LRBA: variants seen among roughly 807,000 people sequenced by gnomAD.
LRBA encodes lipopolysaccharide-responsive and beige-like anchor protein.
LRBA carries 176 observed loss-of-function variants against 330.0 expected under a neutral mutation model. The observed-to-expected ratio is 0.53, with a 90% confidence interval of 0.47 to 0.60. The LOEUF (loss-of-function observed/expected upper bound fraction) is 0.60. LRBA is among the 20% of genes least tolerant of loss of function. LRBA has a pLI of 0.00. For synonymous variants in LRBA, 1,230 were observed against 1,193.0 expected, an observed-to-expected ratio of 1.03 and a Z score of -0.64; for missense variants, 3,259 against 3,444.8, an observed-to-expected ratio of 0.95 and a Z score of 1.35.
intron 36 of LRBA, among the ~76,000 whole-genome samples, chr4:150,728,680 C>T (rs1014995325): frequency 1.2e-4 from 18 of 145,530 alleles, no homozygotes; most frequent in African/African-American, 1.8e-4. Context: ...AAAAAAAAAA[C>T]GTGATACAAA....
intron 40 of LRBA, among the ~76,000 whole-genome samples, chr4:150,584,924 T>C (rs1361505848): frequency 6.6e-6 from 1 of 152,228 alleles, no homozygotes; most frequent in South Asian, 2.1e-4. Flanking sequence ...GTTCTGTAGA[T>C]GTTAAGATTA....
At chr4:150,602,551 C>G (rs1030729228) in intron 37 of LRBA, among the ~76,000 whole-genome samples, 2 of 152,092 alleles carry the variant, frequency 1.3e-5, no homozygotes, top group Admixed American at 1.3e-4. Context: ...ACAACACATA[C>G]TCTCAGTATA....
At position 150,648,158 on chromosome 4, in the gene LRBA, C is replaced by CAAAAA; in HGVS notation, c.5921+35388_5921+35392dup. Among the ~76,000 whole-genome samples the CAAAAA allele has an allele frequency of 7.4e-3, 134 of 18,110 alleles. 26 individuals carry two copies. Among genetic ancestry groups the CAAAAA allele is most frequent in the East Asian group, 0.043 (17 of 394 alleles). The allele number at this position is 18,110 out of a possible 152,430, so 11.9% of individuals were successfully genotyped here. A position where few individuals can be genotyped will look rare whatever the true frequency, so the allele number is the denominator to read the frequency against. ...TCAGAAGAGAAAGGAACACAAGTAG[C>CAAAAA]AAAAAAAAAAAAAAAAAAACTAGAA... On this transcript the variant is annotated intron_variant, in intron 37 of 56. Transcript: ENST00000651943.
chr4:150,870,726 A>T lies in LRBA; in HGVS notation c.2368-120T>A. On this transcript the variant is annotated intron_variant, in intron 19 of 56. Coordinates refer to ENST00000651943, the MANE Select transcript of LRBA (RefSeq NM_001364905.1). ...TACAACACTAATCAAAATATAGTAT[A>T]TTTTTAGTCCAATATTGTCATGCTA... The T allele has an allele frequency of 5.4e-6, 3 of 559,860 alleles. No individual in the cohort carries two copies. In the South Asian group the frequency reaches 8.3e-5, roughly 15 times the overall value. 34.7% of individuals were successfully genotyped at this position (559,860 alleles called of 1,614,324 possible).
At chr4:150,320,228 C>T (rs992495858) in intron 50 of LRBA, among the ~76,000 whole-genome samples, 10 of 152,118 alleles carry the variant, frequency 6.6e-5, no homozygotes, top group East Asian at 1.9e-4. Context: ...CAGAATAAGG[C>T]GAGCTCCCTG....
At chr4:150,502,766 C>T (rs1315190683) in intron 40 of LRBA, among the ~76,000 whole-genome samples, 5 of 152,208 alleles carry the variant, frequency 3.3e-5, no homozygotes, top group African/African-American at 7.2e-5. Context: ...TTGCCTTACC[C>T]GAGAAGCGCA....
chr4:150,486,552 C>T (rs1404611187), intron 42 of LRBA, among the ~76,000 whole-genome samples: 1 of 151,876 alleles, frequency 6.6e-6, no homozygotes. Context: ...ATATTTCAGA[C>T]TATTAGCAAC....
At chr4:150,793,779 G>A (rs992994892) in intron 34 of LRBA, among the ~76,000 whole-genome samples, 2 of 152,144 alleles carry the variant, frequency 1.3e-5, no homozygotes, top group Non-Finnish European at 2.9e-5. Context: ...CTTTCCAAAA[G>A]AGATTGTAAT....
At chr4:150,381,342 T>C (rs1471235858) in intron 47 of LRBA, among the ~76,000 whole-genome samples, 3 of 152,180 alleles carry the variant, frequency 2.0e-5, no homozygotes, top group Non-Finnish European at 2.9e-5. Flanking sequence ...CGTACCTATA[T>C]GGCACTCACT....
chr4:150,947,546 C>T (rs1736373476), intron 2 of LRBA, among the ~76,000 whole-genome samples: 1 of 151,934 alleles, frequency 6.6e-6, no homozygotes, highest in African/African-American at 2.4e-5. Flanking sequence ...TGATAAGCAA[C>T]ATTTACATAA....
chr4:150,746,923 G>C lies in LRBA; in HGVS notation c.5646-11557C>G, dbSNP rs74696935. On this transcript the variant is annotated intron_variant, in intron 35 of 56. Transcript: ENST00000651943. ...CCTCCAATCCAACTTCTTTCCATGAGTCTTACTATTCTTGCCCATTCTTCA... is the reference window on the plus strand; with the variant it reads ...CCTCCAATCCAACTTCTTTCCATGACTCTTACTATTCTTGCCCATTCTTCA... Among the ~76,000 whole-genome samples, 862 of 152,166 alleles carry C rather than the reference G, an allele frequency of 5.7e-3. 7 individuals are homozygous for C. Among genetic ancestry groups the C allele is most frequent in the African/African-American group, 0.02 (839 of 41,510 alleles).
intron 48 of LRBA, among the ~76,000 whole-genome samples, chr4:150,348,233 G>GA: frequency 6.6e-6 from 1 of 152,268 alleles, no homozygotes; most frequent in East Asian, 1.9e-4. Flanking sequence ...ACTCATAGAG[G>GA]AAATAACTAG....
intron 46 of LRBA, among the ~76,000 whole-genome samples, chr4:150,429,346 G>A (rs1561164935): frequency 6.6e-6 from 1 of 152,046 alleles, no homozygotes; most frequent in Non-Finnish European, 1.5e-5. Flanking sequence ...AGTACTTGAA[G>A]GACACCAAGC....
At chr4:150,432,648 T>C (rs1489567376) in intron 46 of LRBA, among the ~76,000 whole-genome samples, 1 of 151,780 alleles carries the variant, frequency 6.6e-6, no homozygotes, top group Admixed American at 6.6e-5. Context: ...AGTTTCACCG[T>C]GTTAGTCAGG....
chr4:150,824,102 T>C (rs1745878135), intron 30 of LRBA, among the ~76,000 whole-genome samples: 2 of 152,168 alleles, frequency 1.3e-5, no homozygotes, highest in Non-Finnish European at 2.9e-5. Context: ...TTTTTAGTTT[T>C]TGCATCAATG....
chr4:150,350,245 C>T (rs1736954146), intron 47 of LRBA, 86 bp from the exon 48 acceptor site: 2 of 1,044,806 alleles, frequency 1.9e-6, no homozygotes, highest in African/African-American at 1.7e-5. Context: ...TAAAGTTTAA[C>T]ACTAACTTTA....
intron 2 of LRBA, among the ~76,000 whole-genome samples, chr4:150,992,594 C>G (rs1451377611): frequency 6.6e-6 from 1 of 152,084 alleles, no homozygotes; most frequent in East Asian, 1.9e-4. Flanking sequence ...AAGGGTGTTA[C>G]AATAATCCTA....
intron 40 of LRBA, among the ~76,000 whole-genome samples, chr4:150,552,277 T>A (rs1766706466): frequency 6.6e-6 from 1 of 152,140 alleles, no homozygotes; most frequent in Non-Finnish European, 1.5e-5. Flanking sequence ...GTCAGAAAGT[T>A]AAGAATATTA....
At chr4:150,701,093 T>C (rs1785076944) in intron 36 of LRBA, among the ~76,000 whole-genome samples, 1 of 152,194 alleles carries the variant, frequency 6.6e-6, no homozygotes, top group South Asian at 2.1e-4. Context: ...TTTTTAAATT[T>C]TGTTAAAAAG....
Sources: allele counts gnomAD v4.1 joint callset (sites outside exome capture counted in the v4.1 genomes callset), GRCh38; gene constraint gnomAD v4.1.1; transcripts MANE v1.5; gene names NCBI Gene and HGNC (gene_info 2026-07-23, HGNC 2026-07-21).